The following ERBB4 variants were observed in gnomAD, a reference collection of about 807,000 sequenced individuals.
The protein encoded by ERBB4 is receptor tyrosine-protein kinase erbB-4.
Under a neutral mutation model 158.0 loss-of-function variants are expected in ERBB4, and 42 were observed. That is an observed-to-expected ratio of 0.27 (90% CI 0.21 to 0.34). The LOEUF (loss-of-function observed/expected upper bound fraction) is 0.34. Among genes scored for constraint, ERBB4 ranks in the 10% least tolerant of loss-of-function variants. The probability of loss-of-function intolerance (pLI) is 1.00; values close to 1 mark genes in which losing one functional copy is unlikely to be tolerated. For missense variants in ERBB4, 1,333 were observed against 1,624.1 expected, an observed-to-expected ratio of 0.82 and a Z score of 3.08; for synonymous variants, 583 against 558.7, an observed-to-expected ratio of 1.04 and a Z score of -0.61.
chr2:211,712,009 T>C (rs779670225), intron 9 of ERBB4, 41 bp downstream of exon 9: 1 of 1,568,072 alleles, frequency 6.4e-7, no homozygotes, highest in South Asian at 1.1e-5. Flanking sequence ...CAGTTTTGTC[T>C]ACACTTTGTA....
At chr2:211,576,352 G>A (rs758713681) in intron 19 of ERBB4, among the ~76,000 whole-genome samples, 1 of 152,184 alleles carries the variant, frequency 6.6e-6, no homozygotes, top group Non-Finnish European at 1.5e-5. Context: ...TTCTGGTCCA[G>A]TACTTGAAAA....
chr2:211,927,889 A>C (rs1178692061), intron 3 of ERBB4, among the ~76,000 whole-genome samples: 2 of 152,130 alleles, frequency 1.3e-5, no homozygotes, highest in Non-Finnish European at 2.9e-5. Context: ...ACAGTAAATA[A>C]AGTATACTTT....
At chr2:211,981,962 G>A (rs145598307) in intron 2 of ERBB4, among the ~76,000 whole-genome samples, 110 of 152,126 alleles carry the variant, frequency 7.2e-4, no homozygotes, top group African/African-American at 2.4e-3. Flanking sequence ...TGGTTAGTAA[G>A]TTTTATACCA....
intron 1 of ERBB4, among the ~76,000 whole-genome samples, chr2:212,153,816 T>A (rs567022212): frequency 1.1e-4 from 16 of 152,286 alleles, no homozygotes; most frequent in Admixed American, 9.8e-4. Context: ...GGAATTAGAA[T>A]GTGCGAATGT....
chr2:212,108,104 A>T (rs2079286897), intron 2 of ERBB4, among the ~76,000 whole-genome samples: 1 of 152,204 alleles, frequency 6.6e-6, no homozygotes, highest in South Asian at 2.1e-4. Context: ...TTTAAAACCT[A>T]GGTTTTCTAT....
chr2:212,047,691 C>G (rs1168364159), intron 2 of ERBB4, among the ~76,000 whole-genome samples: 1 of 151,106 alleles, frequency 6.6e-6, no homozygotes, highest in East Asian at 1.9e-4. Context: ...ACCATGTTGC[C>G]CAGGCTGGTC....
At chr2:212,105,771 C>T (rs2079208453) in intron 2 of ERBB4, among the ~76,000 whole-genome samples, 1 of 152,148 alleles carries the variant, frequency 6.6e-6, no homozygotes, top group Non-Finnish European at 1.5e-5. Context: ...TCACAATTCC[C>T]ACGTGTTGTG....
chr2:211,717,175 A>G (rs2073945814), intron 7 of ERBB4, among the ~76,000 whole-genome samples: 1 of 152,208 alleles, frequency 6.6e-6, no homozygotes, highest in African/African-American at 2.4e-5. Context: ...CCTAATTTGA[A>G]GGTAGTAGAT....
At chr2:211,545,612 T>C (rs2066921200) in intron 20 of ERBB4, among the ~76,000 whole-genome samples, 1 of 152,080 alleles carries the variant, frequency 6.6e-6, no homozygotes, top group South Asian at 2.1e-4. Flanking sequence ...AGGGACTTGA[T>C]AATAAAATCC....
intron 20 of ERBB4, among the ~76,000 whole-genome samples, chr2:211,497,419 T>G (rs2065496494): frequency 6.6e-6 from 1 of 152,082 alleles, no homozygotes; most frequent in African/African-American, 2.4e-5. Context: ...CCTCTGACAG[T>G]TTCTGACACA....
At chr2:211,426,397 C>A (rs1229133690) in intron 22 of ERBB4, among the ~76,000 whole-genome samples, 2 of 152,096 alleles carry the variant, frequency 1.3e-5, no homozygotes, top group Non-Finnish European at 2.9e-5. Context: ...CAAGGTTATG[C>A]AACTTTATCT....
At chr2:211,533,675 C>T (rs1467288186) in intron 20 of ERBB4, among the ~76,000 whole-genome samples, 1 of 151,932 alleles carries the variant, frequency 6.6e-6, no homozygotes, top group Non-Finnish European at 1.5e-5. Flanking sequence ...GATTAAAGTA[C>T]TGAATAAGTG....
intron 2 of ERBB4, among the ~76,000 whole-genome samples, chr2:211,983,502 C>G (rs1313847597): frequency 6.6e-6 from 1 of 152,140 alleles, no homozygotes; most frequent in African/African-American, 2.4e-5. Flanking sequence ...AATGCTAGAT[C>G]ATTTTGTCAT....
intron 2 of ERBB4, among the ~76,000 whole-genome samples, chr2:212,074,806 T>C (rs2078226124): frequency 1.3e-5 from 2 of 151,952 alleles, no homozygotes; most frequent in Admixed American, 6.6e-5. Flanking sequence ...AGCTAGTAGG[T>C]CATTGTAAAA....
intron 20 of ERBB4, among the ~76,000 whole-genome samples, chr2:211,507,527 T>C (rs1483225498): frequency 1.3e-5 from 2 of 152,020 alleles, no homozygotes; most frequent in East Asian, 1.9e-4. Context: ...AAAAACAGCA[T>C]GGTACAGGAA....
intron 16 of ERBB4, among the ~76,000 whole-genome samples, chr2:211,637,105 T>C (rs1346083470): frequency 6.6e-6 from 1 of 151,992 alleles, no homozygotes; most frequent in African/African-American, 2.4e-5. Flanking sequence ...TAGGTAACAT[T>C]GGCCATCATC....
At chr2:211,635,252 T>G (rs1333674387) in intron 16 of ERBB4, among the ~76,000 whole-genome samples, 2 of 152,218 alleles carry the variant, frequency 1.3e-5, no homozygotes, top group Non-Finnish European at 2.9e-5. Context: ...ATTATGAAAC[T>G]GATATCCTCC....
chr2:211,473,155 CA>C lies in ERBB4; in HGVS notation c.2488-42056del, dbSNP rs558715164. On this transcript the variant is annotated intron_variant, in intron 20 of 27. Coordinates refer to ENST00000342788, the MANE Select transcript of ERBB4 (RefSeq NM_005235.3). ...CACAAGTATTCTCATTATAGGAAGG[CA>C]AACAGAGAGTTTACACACAAATAGA... 5.9e-5 allele frequency among the ~76,000 whole-genome samples: 9 copies of C among 151,728 alleles called. No homozygotes were observed. The East Asian group carries it at 1.8e-3, about 30-fold the overall frequency.
At chr2:211,435,250 T>A (rs2063824122) in intron 20 of ERBB4, among the ~76,000 whole-genome samples, 1 of 152,174 alleles carries the variant, frequency 6.6e-6, no homozygotes, top group African/African-American at 2.4e-5. Flanking sequence ...CTCTAGCAGT[T>A]CCCGTATCCA....
Sources: gnomAD v4.1 joint callset for allele counts (sites outside exome capture counted in the v4.1 genomes callset) on GRCh38, gnomAD v4.1.1 for gene constraint, MANE v1.5 for transcripts, NCBI Gene and HGNC (gene_info 2026-07-23, HGNC 2026-07-21) for gene names.